The following THSD7A variants were observed in gnomAD, a reference collection of about 807,000 sequenced individuals.
The protein encoded by THSD7A is thrombospondin type-1 domain-containing protein 7A.
In THSD7A, 96 loss-of-function variants were observed where a neutral mutation model predicts 231.3. The observed-to-expected ratio is 0.41, with a 90% CI of 0.35 to 0.49. The LOEUF (loss-of-function observed/expected upper bound fraction) is 0.49. Ranked by LOEUF, THSD7A falls within the 20% of genes least tolerant of loss-of-function variation. THSD7A has a pLI of 0.05. For missense variants in THSD7A, 2,290 were observed against 2,070.2 expected (o/e 1.11, Z -2.06); for synonymous variants, 940 against 743.3 (o/e 1.26, Z -4.30).
chr7:11,417,757 A>G (rs1464107531), intron 16 of THSD7A, among the ~76,000 whole-genome samples, 154 bp from the exon 17 acceptor site: 1 of 152,218 alleles, frequency 6.6e-6, no homozygotes, highest in Non-Finnish European at 1.5e-5. Context: ...ATCTAATAAA[A>G]TTCTCCACAA....
chr7:11,437,572 A>G lies in THSD7A; in HGVS notation c.3065-8447T>C, dbSNP rs1264991456. On this transcript the variant is annotated intron_variant, in intron 13 of 27. Transcript: ENST00000423059. ...CTCGCTCTACCTATGCTATCAAATG[A>G]GACACTGAAAATCTGAAATGCATTA... Among the ~76,000 whole-genome samples, 3 of 152,246 alleles carry G rather than the reference A, an allele frequency of 2.0e-5. No individual in the cohort carries two copies. The East Asian group carries it at 5.8e-4, about 30-fold the overall frequency.
intron 2 of THSD7A, among the ~76,000 whole-genome samples, chr7:11,626,500 A>T (rs1229790511): frequency 6.6e-6 from 1 of 152,112 alleles, no homozygotes; most frequent in Non-Finnish European, 1.5e-5. Flanking sequence ...GTCCATGATG[A>T]GATAATCATA....
rs1004265394 is a variant in THSD7A at position 11,594,848 on chromosome 7, C to A, written c.1023-1346G>T. On this transcript the variant is annotated intron_variant, in intron 2 of 27. Transcript: ENST00000423059. The stretch of plus-strand genomic sequence containing the variant: ...AGTGGGTCATCTGCAAGGAAAGATG[C>A]ATGCACAGCCTCACCAGGTGTCTAC... 2.4e-4 allele frequency among the ~76,000 whole-genome samples: 36 copies of A among 152,172 alleles called. 1 individual carries two copies. Among genetic ancestry groups the A allele is most frequent in the South Asian group, 4.1e-4 (2 of 4,834 alleles).
chr7:11,754,638 C>A (rs1222838444), intron 1 of THSD7A, among the ~76,000 whole-genome samples: 4 of 152,038 alleles, frequency 2.6e-5, no homozygotes, highest in Admixed American at 1.3e-4. Context: ...TCTATTTAAA[C>A]AAATTCTTGT....
At position 11,652,181 on chromosome 7, in the gene THSD7A, T is replaced by C. The variant is rs369933734; in HGVS notation, c.191-15220A>G. Among the ~76,000 whole-genome samples the C allele has an allele frequency of 1.5e-3, 232 of 151,808 alleles. 2 individuals carry two copies. The highest frequency in any genetic ancestry group is 5.2e-3 in the African/African-American group (216 of 41,472). Reference sequence around the variant, plus strand: ...CCATGCATATCATAAACCACACCAGTAAACCAGGGCCAAAGTAAATCTTTA... The same window carrying C: ...CCATGCATATCATAAACCACACCAGCAAACCAGGGCCAAAGTAAATCTTTA... On this transcript the variant is annotated intron_variant, in intron 1 of 27. Coordinates refer to ENST00000423059, the MANE Select transcript of THSD7A (RefSeq NM_015204.3).
At chr7:11,603,212 G>A (rs1458696840) in intron 2 of THSD7A, among the ~76,000 whole-genome samples, 2 of 151,894 alleles carry the variant, frequency 1.3e-5, no homozygotes, top group Admixed American at 6.6e-5. Context: ...GAAAAAGTGG[G>A]CGAAGGACAT....
chr7:11,704,041 C>A (rs1780686564), intron 1 of THSD7A, among the ~76,000 whole-genome samples: 1 of 151,172 alleles, frequency 6.6e-6, no homozygotes, highest in African/African-American at 2.4e-5. Flanking sequence ...AAGCATACAC[C>A]AATCTTTATA....
intron 1 of THSD7A, among the ~76,000 whole-genome samples, chr7:11,732,833 G>A (rs10260945): frequency 0.73 from 110,780 of 151,566 alleles, 40,545 homozygotes; most frequent in South Asian, 0.79. Context: ...TTTGTAACCT[G>A]TATTCCTCAT....
At chr7:11,635,189 G>A (rs1781790303) in intron 2 of THSD7A, among the ~76,000 whole-genome samples, 1 of 152,164 alleles carries the variant, frequency 6.6e-6, no homozygotes, top group South Asian at 2.1e-4. Flanking sequence ...TAGACTGTGT[G>A]ATAGAGTTGA....
At chr7:11,658,291 G>A (rs572728097) in intron 1 of THSD7A, among the ~76,000 whole-genome samples, 188 of 151,718 alleles carry the variant, frequency 1.2e-3, no homozygotes, top group African/African-American at 4.3e-3. Context: ...TTTTCCTACT[G>A]GTTTATTTTC....
chr7:11,807,174 C>A (rs888932539), intron 1 of THSD7A, among the ~76,000 whole-genome samples: 21 of 151,950 alleles, frequency 1.4e-4, no homozygotes, highest in African/African-American at 4.8e-4. Context: ...TATTCCTTAG[C>A]CCTTCTCCAC....
At chr7:11,416,156 C>T (rs775259785) in intron 17 of THSD7A, among the ~76,000 whole-genome samples, 2 of 152,132 alleles carry the variant, frequency 1.3e-5, no homozygotes, top group African/African-American at 4.8e-5. Flanking sequence ...CTCAGAAACA[C>T]AAAAGATGCT....
rs1174340687 is a variant in THSD7A, at chr7:11,636,584, G to C, written c.568C>G (p.Pro190Ala). The change falls in exon 2 of 28, where the codon CCT becomes GCT. Residue 190 changes from proline (P) to alanine (A), a missense_variant. Physicochemically the swap from Pro to Ala is conservative, Grantham distance 27. Transcript: ENST00000423059. The surrounding 1 kb of genome is among the most constrained non-coding windows in gnomAD (Gnocchi z 10.0). ...KPLLEQACLI[P>A]CQQDCIVSEF... Reference sequence around the variant, plus strand: ...GACACGATGCAATCTTGCTGGCAAGGAATGAGGCAAGCCTGCTCCAGGAGA... The same window carrying C: ...GACACGATGCAATCTTGCTGGCAAGCAATGAGGCAAGCCTGCTCCAGGAGA... The C allele has an allele frequency of 6.2e-7, 1 of 1,613,866 alleles. No individual in the cohort carries two copies. The highest frequency in any genetic ancestry group is 8.5e-7 in the Non-Finnish European group (1 of 1,179,900).
chr7:11,576,633 A>C (rs1342477257), intron 4 of THSD7A, among the ~76,000 whole-genome samples: 2 of 152,212 alleles, frequency 1.3e-5, no homozygotes, highest in African/African-American at 4.8e-5. Context: ...AATTGCCACT[A>C]ATTGACAGAT....
chr7:11,501,733 A>C (rs1012712255), intron 6 of THSD7A, among the ~76,000 whole-genome samples: 2 of 152,242 alleles, frequency 1.3e-5, no homozygotes, highest in African/African-American at 4.8e-5. Flanking sequence ...TAGAGAAGCA[A>C]TAGCAAATAA....
At chr7:11,616,964 G>C (rs990495396) in intron 2 of THSD7A, among the ~76,000 whole-genome samples, 2 of 151,982 alleles carry the variant, frequency 1.3e-5, no homozygotes, top group African/African-American at 4.8e-5. Flanking sequence ...TATTATTCAA[G>C]GATAAACAGA....
chr7:11,731,018 G>GT (rs916024552), intron 1 of THSD7A, among the ~76,000 whole-genome samples: 3 of 151,396 alleles, frequency 2.0e-5, no homozygotes, highest in African/African-American at 7.3e-5. Flanking sequence ...CTTAAAAAAT[G>GT]TTTTTTCTTG....
At chr7:11,566,607 C>T (rs1409486849) in intron 4 of THSD7A, among the ~76,000 whole-genome samples, 1 of 152,134 alleles carries the variant, frequency 6.6e-6, no homozygotes, top group Non-Finnish European at 1.5e-5. Flanking sequence ...CTCTGATAAA[C>T]AATTGCTTGC....
intron 4 of THSD7A, among the ~76,000 whole-genome samples, chr7:11,563,051 C>G (rs1402686666): frequency 6.6e-6 from 1 of 152,154 alleles, no homozygotes; most frequent in East Asian, 1.9e-4. Context: ...AGCTTTTATC[C>G]TGAAAATTAA....
Sources: gnomAD v4.1 joint callset for allele counts (sites outside exome capture counted in the v4.1 genomes callset) on GRCh38, gnomAD v4.1.1 for gene constraint, Gnocchi (gnomAD v3.1) non-coding constraint, MANE v1.5 for transcripts, NCBI Gene and HGNC (gene_info 2026-07-23, HGNC 2026-07-21) for gene names.